CCNY: variants seen among roughly 807,000 people sequenced by gnomAD.
The protein encoded by CCNY is cyclin-Y.
Under a neutral mutation model 42.8 loss-of-function variants are expected in CCNY, and 19 were observed. The observed-to-expected ratio is 0.44, with a 90% CI of 0.31 to 0.65. The LOEUF (loss-of-function observed/expected upper bound fraction) is 0.65, where lower values mean the gene tolerates loss of function less well. Ranked by LOEUF, CCNY falls within the 30% of genes least tolerant of loss-of-function variation. CCNY has a pLI of 0.07. For synonymous variants in CCNY, 165 were observed against 162.7 expected, an observed-to-expected ratio of 1.01 and a Z score of -0.11; for missense variants, 370 against 437.3, an observed-to-expected ratio of 0.85 and a Z score of 1.37.
Position 35,501,552 on chromosome 10 carries a change from C to T in CCNY, c.264+17C>T. The T allele has an allele frequency of 1.9e-6, 3 of 1,609,728 alleles. No individual in the cohort carries two copies. The highest frequency in any genetic ancestry group is 2.6e-6 in the Non-Finnish European group (3 of 1,175,960). On this transcript the variant is annotated intron_variant, in intron 3 of 9. Transcript: ENST00000374704. ...ATTAACCATGTAAGTGAAGCTGTCT[C>T]CCTGTGTTCTTCATAATGACTGTAC...
chr10:35,326,107 A>G lies in CCNY; in HGVS notation c.-9+75481A>G, dbSNP rs919967967. The stretch of plus-strand genomic sequence containing the variant: ...AAATAAATAAACTTTACTGAGATAC[A>G]GTTTACATAAAATAAAATGCGCCCA... On this transcript the variant is annotated intron_variant, in intron 3 of 11. Transcript: ENST00000374706. 1.2e-4 allele frequency among the ~76,000 whole-genome samples: 18 copies of G among 152,156 alleles called. 2 individuals carry two copies. In the East Asian group the frequency reaches 3.1e-3, roughly 26 times the overall value.
intron 7 of CCNY, among the ~76,000 whole-genome samples, chr10:35,544,345 C>G (rs1476448580): frequency 6.6e-6 from 1 of 152,146 alleles, no homozygotes; most frequent in Non-Finnish European, 1.5e-5. Context: ...TACACAAATA[C>G]TCATCATTGT....
In CCNY at chr10:35,394,390, C is replaced by T. The variant is rs116193165; in HGVS notation, c.154+57183C>T. Reference sequence around the variant, plus strand: ...TGCATTTTTCTTTAAAAGAATTTCGCGCTGTGAAAAGCCTAGTAATTGTGA... The same window carrying T: ...TGCATTTTTCTTTAAAAGAATTTCGTGCTGTGAAAAGCCTAGTAATTGTGA... On this transcript the variant is annotated intron_variant, in intron 1 of 9. Coordinates refer to ENST00000374704, the MANE Select transcript of CCNY (RefSeq NM_145012.6). Among the ~76,000 whole-genome samples, 1,189 of 152,272 alleles carry T rather than the reference C, an allele frequency of 7.8e-3. 14 individuals carry two copies. The highest frequency in any genetic ancestry group is 0.027 in the African/African-American group (1,133 of 41,524).
At chr10:35,501,388 T>C (rs1589162885) in intron 2 of CCNY, 113 bp from the exon 3 acceptor site, 1 of 793,994 alleles carries the variant, frequency 1.3e-6, no homozygotes, top group East Asian at 2.4e-5. Flanking sequence ...AGCAAGTGGG[T>C]ATGTTGGTTG....
At chr10:35,549,593 C>T (rs1365622625) in intron 7 of CCNY, among the ~76,000 whole-genome samples, 1 of 137,480 alleles carries the variant, frequency 7.3e-6, no homozygotes, top group African/African-American at 2.9e-5. Context: ...CTACAGTGCT[C>T]ATGACCCTGC....
In CCNY at chr10:35,307,625, G is replaced by T. The variant is rs146153638; in HGVS notation, c.-9+56999G>T. Among the ~76,000 whole-genome samples the T allele has an allele frequency of 9.0e-4, 136 of 151,408 alleles. 1 individual carries two copies. Among genetic ancestry groups the T allele is most frequent in the Non-Finnish European group, 1.7e-3 (115 of 67,924 alleles). On this transcript the variant is annotated intron_variant, in intron 3 of 11. Coordinates refer to the CCNY transcript ENST00000374706. ...GGCTAAATAACCTTCCATGCATGAT[G>T]CCATTTTCATCCTTTCAACAACCCC...
chr10:35,454,301 T>A (rs1419217370), intron 1 of CCNY, among the ~76,000 whole-genome samples: 1 of 152,224 alleles, frequency 6.6e-6, no homozygotes, highest in Non-Finnish European at 1.5e-5. Flanking sequence ...TCTGTTGTCC[T>A]GGAAGACGCA....
At chr10:35,563,556 C>T (rs976786869) in intron 8 of CCNY, among the ~76,000 whole-genome samples, 1 of 152,146 alleles carries the variant, frequency 6.6e-6, no homozygotes, top group Non-Finnish European at 1.5e-5. Flanking sequence ...ACAGTTCTGG[C>T]CTTAGCAGGG....
At chr10:35,439,516 C>G (rs1459340308) in intron 1 of CCNY, among the ~76,000 whole-genome samples, 1 of 151,490 alleles carries the variant, frequency 6.6e-6, no homozygotes, top group South Asian at 2.1e-4. Context: ...TCTTTGCTGC[C>G]TCTTTCTCTC....
At chr10:35,292,785 T>TTG (rs1554774278) in intron 3 of CCNY, among the ~76,000 whole-genome samples, 2 of 146,480 alleles carry the variant, frequency 1.4e-5, no homozygotes, top group African/African-American at 5.0e-5. Flanking sequence ...GTTTTTGTTT[T>TTG]TTTTTTTTTT....
intron 3 of CCNY, among the ~76,000 whole-genome samples, chr10:35,299,666 T>C (rs927830989): frequency 1.1e-4 from 17 of 152,224 alleles, no homozygotes; most frequent in African/African-American, 3.6e-4. Context: ...GGATTTCTTG[T>C]AGACACCAGA....
At chr10:35,481,839 G>A (rs780683414) in intron 1 of CCNY, among the ~76,000 whole-genome samples, 1 of 152,162 alleles carries the variant, frequency 6.6e-6, no homozygotes, top group Non-Finnish European at 1.5e-5. Flanking sequence ...TCCTTGCAGA[G>A]TCATTTTCAC....
At chr10:35,535,557 T>A (rs1033175450) in intron 7 of CCNY, among the ~76,000 whole-genome samples, 3 of 152,150 alleles carry the variant, frequency 2.0e-5, no homozygotes, top group African/African-American at 7.2e-5. Context: ...TACGTATATG[T>A]ATGAGAGACA....
chr10:35,295,930 G>C (rs1449453323), intron 3 of CCNY, among the ~76,000 whole-genome samples: 1 of 151,932 alleles, frequency 6.6e-6, no homozygotes, highest in Non-Finnish European at 1.5e-5. Flanking sequence ...ATGACTTTTG[G>C]GTAAATAATG....
intron 1 of CCNY, among the ~76,000 whole-genome samples, chr10:35,478,914 A>G (rs1839587533): frequency 6.6e-6 from 1 of 152,254 alleles, no homozygotes; most frequent in African/African-American, 2.4e-5. Flanking sequence ...CAAATTTACA[A>G]GAAAAACAAC....
intron 8 of CCNY, among the ~76,000 whole-genome samples, chr10:35,564,229 G>T (rs1170480743): frequency 6.6e-6 from 1 of 151,934 alleles, no homozygotes; most frequent in Non-Finnish European, 1.5e-5. Flanking sequence ...TTTGGAGCTT[G>T]TTATCACTCT....
In CCNY at chr10:35,500,197, G is replaced by A. The variant is rs755475009; in HGVS notation, c.230-1304G>A. Among the ~76,000 whole-genome samples, 6 of 152,222 alleles carry A rather than the reference G, an allele frequency of 3.9e-5. No homozygotes were observed. The East Asian group carries it at 5.8e-4, about 15-fold the overall frequency. ...CAGGGGGCTGATCGCCTGCACATGCGTCCATCCGATGGCTTGATGGAGCTG... is the reference window on the plus strand; with the variant it reads ...CAGGGGGCTGATCGCCTGCACATGCATCCATCCGATGGCTTGATGGAGCTG... On this transcript the variant is annotated intron_variant, in intron 2 of 9. Transcript: ENST00000374704.
chr10:35,378,909 A>C (rs544372552), intron 1 of CCNY, among the ~76,000 whole-genome samples: 12 of 152,304 alleles, frequency 7.9e-5, no homozygotes, highest in Non-Finnish European at 1.6e-4. Flanking sequence ...TTGCAACTGC[A>C]CTAGGCTTGC....
intron 3 of CCNY, among the ~76,000 whole-genome samples, chr10:35,502,833 T>G (rs983751474): frequency 1.1e-4 from 16 of 152,170 alleles, no homozygotes; most frequent in Non-Finnish European, 1.8e-4. Context: ...CTTCCATTTC[T>G]TTGCCTGCTG....
Sources: gnomAD v4.1 joint callset for allele counts (sites outside exome capture counted in the v4.1 genomes callset) on GRCh38, gnomAD v4.1.1 for gene constraint, MANE v1.5 for transcripts, NCBI Gene and HGNC (gene_info 2026-07-23, HGNC 2026-07-21) for gene names.